Variants in ADARB2 observed in about 807,000 individuals in gnomAD.
The protein encoded by ADARB2 is adenosine deaminase RNA specific B2 (inactive), also known as inactive double-stranded RNA-specific editase B2.
In ADARB2, 25 loss-of-function variants were observed where a neutral mutation model predicts 62.2. The observed-to-expected ratio is 0.40, with a 90% confidence interval of 0.29 to 0.56. The LOEUF (loss-of-function observed/expected upper bound fraction) is 0.56, where lower values mean the gene tolerates loss of function less well. ADARB2 is among the 20% of genes least tolerant of loss of function. ADARB2 has a pLI of 0.43. For synonymous variants in ADARB2, 572 were observed against 500.8 expected, an observed-to-expected ratio of 1.14 and a Z score of -1.90; for missense variants, 1,071 against 1,077.4, an observed-to-expected ratio of 0.99 and a Z score of 0.08.
rs565507017 is a variant in ADARB2 at position 1,704,354 on chromosome 10, C to T, written c.100+32697G>A. Among the ~76,000 whole-genome samples, 2 of 152,292 alleles carry T rather than the reference C, an allele frequency of 1.3e-5. No individual in the cohort carries two copies. Among genetic ancestry groups the T allele is most frequent in the East Asian group, 3.9e-4 (2 of 5,184 alleles). On this transcript the variant is annotated intron_variant, in intron 1 of 9. Transcript: ENST00000381312. This position sits in a 1 kb window ranked among gnomAD's most constrained non-coding sequence, Gnocchi z 5.6. ...AGCTTGTTTTCCTGCAACTCGATGG[C>T]CCCACCTGGGGATGATGGGAGACAG...
intron 3 of ADARB2, among the ~76,000 whole-genome samples, chr10:1,281,446 A>G (rs1831370256): frequency 6.6e-6 from 1 of 152,264 alleles, no homozygotes; most frequent in South Asian, 2.1e-4. Context: ...GCAAAGCACC[A>G]TGCGCTTATA....
intron 6 of ADARB2, among the ~76,000 whole-genome samples, chr10:1,231,402 A>G (rs1160491374): frequency 1.3e-5 from 2 of 152,226 alleles, no homozygotes; most frequent in Non-Finnish European, 2.9e-5. Context: ...AGCTGGTATC[A>G]TGTAGCTCTG....
chr10:1,327,691 G>C (rs370189762), intron 3 of ADARB2, among the ~76,000 whole-genome samples: 1 of 50,284 alleles, frequency 2.0e-5, no homozygotes, highest in South Asian at 5.2e-4. Context: ...ACTGCACAGC[G>C]CCTCGTCACA....
intron 1 of ADARB2, among the ~76,000 whole-genome samples, chr10:1,638,591 C>T (rs10903516): frequency 0.28 from 42,617 of 151,870 alleles, 7,124 homozygotes; most frequent in East Asian, 0.44. Context: ...AGCCAGACAT[C>T]GTTCTCTGAG....
chr10:1,421,544 T>C (rs959157607), intron 1 of ADARB2, among the ~76,000 whole-genome samples: 4 of 152,114 alleles, frequency 2.6e-5, no homozygotes, highest in Non-Finnish European at 4.4e-5. Context: ...TCATACCTAC[T>C]GTGGGCCAGA....
At chr10:1,241,909 T>G (rs535470846) in intron 5 of ADARB2, among the ~76,000 whole-genome samples, 4 of 151,886 alleles carry the variant, frequency 2.6e-5, no homozygotes, top group African/African-American at 4.8e-5. Flanking sequence ...AAACGTGGAG[T>G]AAGGAGGAAG....
At chr10:1,629,667 C>A (rs1833818675) in intron 1 of ADARB2, among the ~76,000 whole-genome samples, 1 of 151,734 alleles carries the variant, frequency 6.6e-6, no homozygotes, top group Admixed American at 6.6e-5. Flanking sequence ...GTCCAGCTCA[C>A]CCCCGGCCCT....
chr10:1,510,164 CTTTCTT>C (rs758859005), intron 1 of ADARB2, among the ~76,000 whole-genome samples: 11 of 89,784 alleles, frequency 1.2e-4, no homozygotes, highest in African/African-American at 4.2e-4. Context: ...TTCTTTCTTT[CTTTCTT>C]TTTCTTTCTT....
chr10:1,183,017 A>G lies in ADARB2; in HGVS notation c.*176T>C, dbSNP rs2131732497. 1.4e-6 allele frequency: 1 copy of G among 731,978 alleles called. No homozygotes were observed. Among genetic ancestry groups the G allele is most frequent in the Non-Finnish European group, 2.2e-6 (1 of 457,484 alleles). The allele number at this position is 731,978 out of a possible 1,614,324, so 45.3% of individuals were successfully genotyped here. A position where few individuals can be genotyped will look rare whatever the true frequency, so the allele number is the denominator to read the frequency against. On this transcript the variant is annotated 3_prime_UTR_variant, in exon 10 of 10. Transcript: ENST00000381312. Reference sequence around the variant, plus strand: ...CAGGGTTCTGGGGCCAGCGATCTGGAAAGAGGCACGTTCTGAATTTGTGTT... The same window carrying G: ...CAGGGTTCTGGGGCCAGCGATCTGGGAAGAGGCACGTTCTGAATTTGTGTT...
At chr10:1,214,208 G>A (rs1262558871) in intron 7 of ADARB2, among the ~76,000 whole-genome samples, 5 of 152,108 alleles carry the variant, frequency 3.3e-5, no homozygotes, top group African/African-American at 9.6e-5. Context: ...GTTTGCACCT[G>A]TGTCCAGCAT....
chr10:1,480,196 A>G (rs7916137), intron 1 of ADARB2, among the ~76,000 whole-genome samples: 36,551 of 152,122 alleles, frequency 0.24, 4,554 homozygotes, highest in East Asian at 0.46. Flanking sequence ...CAGAGCAATT[A>G]GGCAAGATGA....
At position 1,242,172 on chromosome 10, in the gene ADARB2, C is replaced by T. The variant is rs777332641; in HGVS notation, c.1320G>A (p.Ala440=). 20 of 1,610,398 alleles carry T rather than the reference C, an allele frequency of 1.2e-5. No homozygotes were observed. The highest frequency in any genetic ancestry group is 2.2e-5 in the East Asian group (1 of 44,808). Residue 440 remains alanine, a synonymous_variant, in exon 5 of 10, where the codon GCG becomes GCA. Coordinates refer to ENST00000381312, the MANE Select transcript of ADARB2 (RefSeq NM_018702.4). ...DCHAEVVARR[A]FLHFLYTQLE... is the part of the protein sequence containing the mutation. ...GCTGCGTGTAGAGGAAGTGCAGGAA[C>T]GCCCGCCGGGCCACGACCTCCGCGT...
chr10:1,615,255 T>C (rs1203107331), intron 1 of ADARB2, among the ~76,000 whole-genome samples: 2 of 152,176 alleles, frequency 1.3e-5, no homozygotes, highest in Non-Finnish European at 2.9e-5. Flanking sequence ...TGCCCCACCT[T>C]GGAGCCAATG....
chr10:1,337,423 G>A lies in ADARB2; in HGVS notation c.1077+25605C>T, dbSNP rs552514023. On this transcript the variant is annotated intron_variant, in intron 3 of 9. Coordinates refer to ENST00000381312, the MANE Select transcript of ADARB2 (RefSeq NM_018702.4). ...CTGAGTAGTCCAGCTTTTCAGAGTG[G>A]TTGGTGTCAGTGATGCCATTGAAAT... Among the ~76,000 whole-genome samples, 118 of 152,284 alleles carry A rather than the reference G, an allele frequency of 7.7e-4. 1 individual carries two copies. The highest frequency in any genetic ancestry group is 1.0e-3 in the Non-Finnish European group (69 of 68,034).
intron 1 of ADARB2, among the ~76,000 whole-genome samples, chr10:1,656,644 G>T (rs1170810672): frequency 1.3e-5 from 2 of 152,166 alleles, no homozygotes; most frequent in Non-Finnish European, 2.9e-5. Flanking sequence ...ATATTGGGGT[G>T]TTGGCTATGA....
At chr10:1,408,603 G>A (rs527248052) in intron 1 of ADARB2, among the ~76,000 whole-genome samples, 34 of 152,260 alleles carry the variant, frequency 2.2e-4, no homozygotes, top group Non-Finnish European at 4.1e-4. Flanking sequence ...CTTGCCAGCC[G>A]TGAGTGCAAT....
intron 1 of ADARB2, among the ~76,000 whole-genome samples, chr10:1,489,559 C>T (rs761927155): frequency 3.1e-4 from 47 of 152,262 alleles, no homozygotes; most frequent in Non-Finnish European, 5.9e-4. Flanking sequence ...TTTGCATTAG[C>T]GGAAGAAAAA....
chr10:1,302,988 A>G (rs1831589462), intron 3 of ADARB2, among the ~76,000 whole-genome samples: 1 of 152,228 alleles, frequency 6.6e-6, no homozygotes. Flanking sequence ...CCTCCAAAGG[A>G]ACACAGCTCC....
chr10:1,304,202 A>G (rs1414611720), intron 3 of ADARB2, among the ~76,000 whole-genome samples: 2 of 152,148 alleles, frequency 1.3e-5, no homozygotes, highest in South Asian at 4.1e-4. Flanking sequence ...AATGGAAAAC[A>G]AAAAAAGGCA....
Sources: gnomAD v4.1 joint callset for allele counts (sites outside exome capture counted in the v4.1 genomes callset) on GRCh38, gnomAD v4.1.1 for gene constraint, Gnocchi (gnomAD v3.1) non-coding constraint, MANE v1.5 for transcripts, NCBI Gene and HGNC (gene_info 2026-07-23, HGNC 2026-07-21) for gene names.